The following TRDMT1 variants were observed in gnomAD, a reference collection of about 807,000 sequenced individuals.
The protein encoded by TRDMT1 is tRNA (cytosine(38)-C(5))-methyltransferase.
A neutral mutation model predicts 51.2 loss-of-function variants in TRDMT1; 49 were observed. The observed-to-expected ratio is 0.96, with a 90% confidence interval of 0.76 to 1.21. TRDMT1 has a LOEUF of 1.21. Among genes scored for constraint, TRDMT1 ranks in the 50% most tolerant of loss-of-function variants. The pLI is 0.00. For missense variants in TRDMT1, 534 were observed against 462.3 expected, an observed-to-expected ratio of 1.16 and a Z score of -1.42; for synonymous variants, 187 against 164.6, an observed-to-expected ratio of 1.14 and a Z score of -1.04.
At chr10:17,150,938 C>T (rs1388848476) in intron 10 of TRDMT1, 1 of 985,062 alleles carries the variant, frequency 1.0e-6, no homozygotes, top group Non-Finnish European at 1.2e-6. Context: ...TTACAATTAC[C>T]TCAGAAGGAA....
intron 10 of TRDMT1, 87 bp from the exon 11 acceptor site, chr10:17,149,227 C>T (rs563408948): frequency 5.5e-5 from 56 of 1,013,378 alleles, no homozygotes; most frequent in South Asian, 4.5e-4. Flanking sequence ...AAGGGCACAG[C>T]GGTCATTTCA....
chr10:17,149,391 C>G (rs1029444458), intron 10 of TRDMT1, among the ~76,000 whole-genome samples: 10 of 152,068 alleles, frequency 6.6e-5, no homozygotes, highest in Admixed American at 2.6e-4. Context: ...CATATAATAT[C>G]CACAGAACTC....
In TRDMT1 at chr10:17,141,440, G is replaced by T. The variant is rs915284770; in HGVS notation, c.*7600C>A. The stretch of plus-strand genomic sequence containing the variant: ...CTCCTAAAGTGCTGGGATTACAGGT[G>T]TCAGCCACCGCGCCCAGCCTCCAGC... On this transcript the variant is annotated 3_prime_UTR_variant, in exon 11 of 11. Transcript: ENST00000377799. Among the ~76,000 whole-genome samples, 2 of 152,138 alleles carry T rather than the reference G, an allele frequency of 1.3e-5. No homozygotes were observed. The highest frequency in any genetic ancestry group is 2.4e-5 in the African/African-American group (1 of 41,424).
intron 1 of TRDMT1, among the ~76,000 whole-genome samples, chr10:17,194,656 G>A (rs141290948): frequency 6.6e-6 from 1 of 152,138 alleles, no homozygotes; most frequent in Non-Finnish European, 1.5e-5. Context: ...TAAAAAGCTA[G>A]GCGTGATGGC....
At chr10:17,180,218 T>A (rs943486660) in intron 1 of TRDMT1, among the ~76,000 whole-genome samples, 4 of 152,170 alleles carry the variant, frequency 2.6e-5, no homozygotes, top group African/African-American at 9.7e-5. Context: ...AGAATAAAAA[T>A]AGTAAGTGAA....
intron 1 of TRDMT1, among the ~76,000 whole-genome samples, chr10:17,192,381 G>A (rs1844803673): frequency 6.6e-6 from 1 of 152,160 alleles, no homozygotes; most frequent in African/African-American, 2.4e-5. Flanking sequence ...GACAATACCT[G>A]CCTAATAGAA....
At chr10:17,181,774 C>CA (rs1843312840) in intron 1 of TRDMT1, among the ~76,000 whole-genome samples, 2 of 152,258 alleles carry the variant, frequency 1.3e-5, no homozygotes, top group South Asian at 4.1e-4. Context: ...GTGCTATTGT[C>CA]AGGCAGTAAG....
chr10:17,167,375 A>G (rs1338818769), intron 3 of TRDMT1, among the ~76,000 whole-genome samples: 1 of 152,196 alleles, frequency 6.6e-6, no homozygotes, highest in African/African-American at 2.4e-5. Flanking sequence ...CTTTAATTGT[A>G]TATCCTTGAG....
At position 17,144,784 on chromosome 10, in the gene TRDMT1, T is replaced by C; in HGVS notation, c.*4256A>G. 1 of 985,174 alleles carries C rather than the reference T, an allele frequency of 1.0e-6. No individual in the cohort carries two copies. 61.0% of individuals were successfully genotyped at this position (985,174 alleles called of 1,614,324 possible). On this transcript the variant is annotated 3_prime_UTR_variant, in exon 11 of 11. Transcript: ENST00000377799. ...ACAGCCTAAAGAGAGAAACGGAAGC[T>C]AGAAACAACAACAACAAAAAATACT...
chr10:17,199,979 A>G (rs1344295898), intron 1 of TRDMT1, among the ~76,000 whole-genome samples: 6 of 152,228 alleles, frequency 3.9e-5, no homozygotes, highest in Admixed American at 3.9e-4. Context: ...TTAAAAATTG[A>G]TAATACATAT....
intron 3 of TRDMT1, among the ~76,000 whole-genome samples, chr10:17,163,851 G>T (rs1840775023): frequency 6.6e-6 from 1 of 152,076 alleles, no homozygotes. Flanking sequence ...CCAACAACAG[G>T]CTTTGAAATT....
chr10:17,156,124 T>A (rs1214172531), intron 8 of TRDMT1, among the ~76,000 whole-genome samples: 8 of 152,236 alleles, frequency 5.3e-5, no homozygotes, highest in Non-Finnish European at 1.0e-4. Flanking sequence ...AAGATATTAA[T>A]AGCTAGCTAG....
At chr10:17,197,483 T>C (rs770374543) in intron 1 of TRDMT1, among the ~76,000 whole-genome samples, 14 of 152,230 alleles carry the variant, frequency 9.2e-5, no homozygotes, top group Non-Finnish European at 2.1e-4. Flanking sequence ...AAACTTTTAT[T>C]GACATATTTT....
intron 1 of TRDMT1, among the ~76,000 whole-genome samples, chr10:17,175,778 C>A (rs771408417): frequency 1.3e-5 from 2 of 151,802 alleles, no homozygotes; most frequent in Non-Finnish European, 2.9e-5. Context: ...GGCTCACACA[C>A]GCTCAGAAAA....
chr10:17,162,100 G>T, intron 4 of TRDMT1, 66 bp downstream of exon 4: 1 of 1,396,316 alleles, frequency 7.2e-7, no homozygotes, highest in Non-Finnish European at 1.0e-6. Flanking sequence ...AATGACAAAC[G>T]TCACATTCTT....
intron 1 of TRDMT1, among the ~76,000 whole-genome samples, chr10:17,177,548 G>C (rs763304717): frequency 6.6e-6 from 1 of 152,022 alleles, no homozygotes; most frequent in Admixed American, 6.6e-5. Context: ...GATTGGCTCC[G>C]AAAGGAATAC....
In TRDMT1 at chr10:17,201,590, G is replaced by A. The variant is rs1053502904; in HGVS notation, c.45C>T (p.Gly15=). The A allele has an allele frequency of 2.6e-6, 4 of 1,549,168 alleles. No homozygotes were observed. The African/African-American group carries it at 4.1e-5, about 16-fold the overall frequency. The part of the protein sequence containing the change: ...RVLELYSGVG[G]MHHALRESCI... Reference sequence around the variant, plus strand: ...TCTCACCTCTCAGCGCGTGGTGCATGCCGCCCACGCCGCTGTATAGCTCCA... The same window carrying A: ...TCTCACCTCTCAGCGCGTGGTGCATACCGCCCACGCCGCTGTATAGCTCCA... The change falls in exon 1 of 11, where the codon GGC becomes GGT. Residue 15 remains glycine, a synonymous_variant. Transcript: ENST00000377799.
chr10:17,157,582 G>C lies in TRDMT1; in HGVS notation c.746C>G (p.Ser249Cys). Residue 249 changes from serine to cysteine, a missense_variant, in exon 8 of 11, where the codon TCT becomes TGT. Transcript: ENST00000377799. ...HRKNQQDSDL[S>C]VKMLKDFLED... ...AAGAAAATCTTTTAGCATTTTCACA[G>C]AGAGATCACTATCTTGTTGATTTTT... is the stretch of plus-strand genomic sequence containing the variant. 2 of 1,614,010 alleles carry C rather than the reference G, an allele frequency of 1.2e-6. No individual in the cohort carries two copies. Among genetic ancestry groups the C allele is most frequent in the Non-Finnish European group, 1.7e-6 (2 of 1,179,950 alleles).
intron 1 of TRDMT1, among the ~76,000 whole-genome samples, chr10:17,175,584 T>C (rs1311313659): frequency 1.3e-5 from 2 of 150,870 alleles, no homozygotes; most frequent in Admixed American, 6.6e-5. Flanking sequence ...AGCAATACAA[T>C]ATTACATAGT....
Sources: gnomAD v4.1 joint callset for allele counts (sites outside exome capture counted in the v4.1 genomes callset) on GRCh38, gnomAD v4.1.1 for gene constraint, MANE v1.5 for transcripts, NCBI Gene and HGNC (gene_info 2026-07-23, HGNC 2026-07-21) for gene names.